Variants in WNT6 observed in about 807,000 individuals in gnomAD.
The protein encoded by WNT6 is Wnt family member 6.
A neutral mutation model predicts 33.1 loss-of-function variants in WNT6; 27 were observed. The ratio of observed to expected loss-of-function variants is 0.82; its 90% confidence interval spans 0.60 to 1.12. WNT6 has a LOEUF of 1.12. WNT6 is among the 50% of genes most tolerant of loss of function. WNT6 has a pLI of 0.00. For missense variants in WNT6, 494 were observed against 535.3 expected (o/e 0.92, Z 0.76); for synonymous variants, 249 against 242.8 (o/e 1.03, Z -0.24).
At chr2:218,869,995 A>T (rs192331610) in intron 1 of WNT6, among the ~76,000 whole-genome samples, 2 of 152,204 alleles carry the variant, frequency 1.3e-5, no homozygotes, top group African/African-American at 2.4e-5. Flanking sequence ...CGAGGCAGGC[A>T]GATCACCTGA....
chr2:218,869,690 G>C (rs992294849), intron 1 of WNT6, among the ~76,000 whole-genome samples: 1 of 152,194 alleles, frequency 6.6e-6, no homozygotes, highest in African/African-American at 2.4e-5. Flanking sequence ...ATTCTGATGA[G>C]AGCAGTTCCC....
chr2:218,860,863 G>T (rs1944301756), intron 1 of WNT6, among the ~76,000 whole-genome samples: 1 of 144,576 alleles, frequency 6.9e-6, no homozygotes, highest in Non-Finnish European at 1.5e-5. Flanking sequence ...GGCAGCGAAG[G>T]TTGCGGGAGC....
chr2:218,873,686 C>T lies in WNT6; in HGVS notation c.939C>T (p.Ser313=), dbSNP rs958566268. 2 of 1,578,634 alleles carry T rather than the reference C, an allele frequency of 1.3e-6. No homozygotes were observed. Among genetic ancestry groups the T allele is most frequent in the Admixed American group, 1.7e-5 (1 of 58,576 alleles). The change falls in exon 4 of 4, where the codon AGC becomes AGT. Residue 313 remains serine (S), a synonymous_variant. Coordinates refer to ENST00000233948, the MANE Select transcript of WNT6 (RefSeq NM_006522.4). This position sits in a 1 kb window ranked among gnomAD's most constrained non-coding sequence, Gnocchi z 6.1. ...CGCGCGGTCGCGCCTGCAATAGCAG[C>T]GCCCCGGACCTCAGCGGCTGCGACC... is the stretch of plus-strand genomic sequence containing the variant. The part of the protein sequence containing the change: ...PGTRGRACNS[S]APDLSGCDLL...
In WNT6 at chr2:218,859,946, C is replaced by A; in HGVS notation, c.-92C>A. 1 of 1,101,588 alleles carries A rather than the reference C, an allele frequency of 9.1e-7. No individual in the cohort carries two copies. The highest frequency in any genetic ancestry group is 1.1e-6 in the Non-Finnish European group (1 of 885,582). The allele number at this position is 1,101,588 out of a possible 1,614,324, so 68.2% of individuals were successfully genotyped here. ...CTCCCGGCCGCCGCCGTTGCGCTCG[C>A]CGCGCTCGCACTGAAGCCCGGGCCC... is the stretch of plus-strand genomic sequence containing the variant. On this transcript the variant is annotated 5_prime_UTR_variant, in exon 1 of 4. Transcript: ENST00000233948.
intron 1 of WNT6, among the ~76,000 whole-genome samples, chr2:218,863,400 C>A (rs557223846): frequency 6.6e-6 from 1 of 152,188 alleles, no homozygotes; most frequent in Non-Finnish European, 1.5e-5. Context: ...CAGAGAGGAC[C>A]CCAGGACCTT....
At position 218,873,729 on chromosome 2, in the gene WNT6, G is replaced by T. The variant is rs1195199650; in HGVS notation, c.982G>T (p.Gly328Trp). 2 of 1,576,504 alleles carry T rather than the reference G, an allele frequency of 1.3e-6. No homozygotes were observed. The highest frequency in any genetic ancestry group is 1.7e-6 in the Non-Finnish European group (2 of 1,167,572). Reference protein sequence around the residue: ...SGCDLLCCGRGHRQESVQLEE... With the variant: ...SGCDLLCCGRWHRQESVQLEE... ...CTGCGACCTGCTGTGCTGCGGCCGC[G>T]GGCACCGCCAGGAGAGCGTGCAGCT... Residue 328 changes from glycine (G) to tryptophan (W), a missense_variant, in exon 4 of 4, where the codon GGG (glycine) becomes TGG (tryptophan). By Grantham distance (184) the Gly-to-Trp change is radical. Coordinates refer to ENST00000233948, the MANE Select transcript of WNT6 (RefSeq NM_006522.4). The surrounding 1 kb of genome is among the most constrained non-coding windows in gnomAD (Gnocchi z 6.1).
rs1225767722 is a variant in WNT6 at position 218,873,348 on chromosome 2, C to T, written c.637-36C>T. 3.3e-6 allele frequency: 5 copies of T among 1,521,278 alleles called. No homozygotes were observed. Among genetic ancestry groups the T allele is most frequent in the Non-Finnish European group, 3.5e-6 (4 of 1,138,000 alleles). 94.2% of individuals were successfully genotyped at this position (1,521,278 alleles called of 1,614,324 possible). On this transcript the variant is annotated intron_variant, in intron 3 of 3. Transcript: ENST00000233948. The surrounding 1 kb of genome is among the most constrained non-coding windows in gnomAD (Gnocchi z 6.1). ...GCTGGGCCCTTCCCTGCACCCCCTA[C>T]CTGTCCACATGCGTCCGCCCCTCTG...
chr2:218,873,361 G>C lies in WNT6; in HGVS notation c.637-23G>C. ...CTGCACCCCCTACCTGTCCACATGCGTCCGCCCCTCTGCCTCCCGCAGGCC... is the reference window on the plus strand; with the variant it reads ...CTGCACCCCCTACCTGTCCACATGCCTCCGCCCCTCTGCCTCCCGCAGGCC... On this transcript the variant is annotated intron_variant, in intron 3 of 3. Coordinates refer to ENST00000233948, the MANE Select transcript of WNT6 (RefSeq NM_006522.4). This position sits in a 1 kb window ranked among gnomAD's most constrained non-coding sequence, Gnocchi z 6.1. 6.5e-7 allele frequency: 1 copy of C among 1,529,444 alleles called. No individual in the cohort carries two copies. Among genetic ancestry groups the C allele is most frequent in the Non-Finnish European group, 8.7e-7 (1 of 1,143,554 alleles). 94.7% of individuals were successfully genotyped at this position (1,529,444 alleles called of 1,614,324 possible). A position where few individuals can be genotyped will look rare whatever the true frequency, so the allele number is the denominator to read the frequency against.
At chr2:218,872,012 A>G (rs1035487079) in intron 3 of WNT6, among the ~76,000 whole-genome samples, 193 bp downstream of exon 3, 1 of 151,826 alleles carries the variant, frequency 6.6e-6, no homozygotes, top group Admixed American at 6.6e-5. Flanking sequence ...TCCAGCCTCC[A>G]AGAAGGAGTC....
chr2:218,871,950 A>C lies in WNT6; in HGVS notation c.636+131A>C, dbSNP rs1944406522. Reference sequence around the variant, plus strand: ...GGCGTTAATGTGTGGGGGAGTGCGCACGGGCGGAAAGATGGGCTGCAAGCA... The same window carrying C: ...GGCGTTAATGTGTGGGGGAGTGCGCCCGGGCGGAAAGATGGGCTGCAAGCA... On this transcript the variant is annotated intron_variant, in intron 3 of 3. Transcript: ENST00000233948. The surrounding 1 kb of genome is among the most constrained non-coding windows in gnomAD (Gnocchi z 6.4). 2 of 809,010 alleles carry C rather than the reference A, an allele frequency of 2.5e-6. No homozygotes were observed. The highest frequency in any genetic ancestry group is 8.0e-4 in the Middle Eastern group (2 of 2,494). 50.1% of individuals were successfully genotyped at this position (809,010 alleles called of 1,614,324 possible).
At chr2:218,872,949 A>C (rs1310565546) in intron 3 of WNT6, among the ~76,000 whole-genome samples, 1 of 152,012 alleles carries the variant, frequency 6.6e-6, no homozygotes, top group Non-Finnish European at 1.5e-5. Context: ...GATGCCCAGG[A>C]GGCTGGCTCT....
At position 218,871,952 on chromosome 2, in the gene WNT6, G is replaced by T. The variant is rs558231307; in HGVS notation, c.636+133G>T. 6.1e-6 allele frequency: 5 copies of T among 821,358 alleles called. No individual in the cohort carries two copies. The East Asian group carries it at 1.7e-4, about 28-fold the overall frequency. 50.9% of individuals were successfully genotyped at this position (821,358 alleles called of 1,614,324 possible). ...CGTTAATGTGTGGGGGAGTGCGCAC[G>T]GGCGGAAAGATGGGCTGCAAGCATG... On this transcript the variant is annotated intron_variant, in intron 3 of 3. Coordinates refer to ENST00000233948, the MANE Select transcript of WNT6 (RefSeq NM_006522.4). The surrounding 1 kb of genome is among the most constrained non-coding windows in gnomAD (Gnocchi z 6.4).
Position 218,873,986 on chromosome 2 carries a change from G to GCGAGGGGC in WNT6, c.*141_*142insCGAGGGGC. 1 of 982,768 alleles carries GCGAGGGGC rather than the reference G, an allele frequency of 1.0e-6. No individual in the cohort carries two copies. Among genetic ancestry groups the GCGAGGGGC allele is most frequent in the Non-Finnish European group, 1.4e-6 (1 of 711,022 alleles). The allele number at this position is 982,768 out of a possible 1,614,324, so 60.9% of individuals were successfully genotyped here. On this transcript the variant is annotated 3_prime_UTR_variant, in exon 4 of 4. Transcript: ENST00000233948. The surrounding 1 kb of genome is among the most constrained non-coding windows in gnomAD (Gnocchi z 6.1). ...CCCAACTCCCAGGGCTCTGGAAATGGTGAGGCGAGGGGCTTGAGAGGAACG... is the reference window on the plus strand; with the variant it reads ...CCCAACTCCCAGGGCTCTGGAAATGGCGAGGGGCTGAGGCGAGGGGCTTGAGAGGAACG...
intron 1 of WNT6, 54 bp downstream of exon 1, chr2:218,860,171 G>T: frequency 6.9e-7 from 1 of 1,448,190 alleles, no homozygotes; most frequent in Admixed American, 2.3e-5. Context: ...GGGACCCCGG[G>T]ACCCAGGACA....
rs758018720 is a variant in WNT6, at chr2:218,873,639, C to T, written c.892C>T (p.Arg298Ter). The T allele has an allele frequency of 1.3e-6, 2 of 1,581,110 alleles. No individual in the cohort carries two copies. Among genetic ancestry groups the T allele is most frequent in the South Asian group, 1.1e-5 (1 of 88,402 alleles). Residue 298 changes from arginine (R) to a stop codon, truncating the protein, a stop_gained, in exon 4 of 4, where the codon CGA (arginine) becomes TGA (stop). Transcript: ENST00000233948. LOFTEE classifies it high-confidence loss of function. The surrounding 1 kb of genome is among the most constrained non-coding windows in gnomAD (Gnocchi z 6.1). ...TTCGCCCGACTTCTGCGCCCCCAAC[C>T]GACGCACCGGCTCCCCCGGCACGCG... ...ADSPDFCAPN[R>*]RTGSPGTRGR...
chr2:218,872,944 C>T, intron 3 of WNT6, among the ~76,000 whole-genome samples: 1 of 152,070 alleles, frequency 6.6e-6, no homozygotes, highest in East Asian at 1.9e-4. Flanking sequence ...AGACAGATGC[C>T]CAGGAGGCTG....
At chr2:218,863,113 T>G (rs1944323736) in intron 1 of WNT6, among the ~76,000 whole-genome samples, 1 of 152,178 alleles carries the variant, frequency 6.6e-6, no homozygotes, top group Non-Finnish European at 1.5e-5. Context: ...ACCAGTGCCC[T>G]CCAAGATCAA....
rs755234114 is a variant in WNT6 at position 218,871,768 on chromosome 2, C to A, written c.585C>A (p.Arg195=). The change falls in exon 3 of 4, where the codon CGC becomes CGA. Residue 195 remains arginine, a synonymous_variant. Transcript: ENST00000233948. This position sits in a 1 kb window ranked among gnomAD's most constrained non-coding sequence, Gnocchi z 6.4. ...TGGACGCGCGGCACAAGCGGGGACG[C>A]GGAGACATCCGCGCGTTGGTGCAAC... ...LFMDARHKRG[R]GDIRALVQLH... 2.5e-6 allele frequency: 4 copies of A among 1,601,576 alleles called. No homozygotes were observed. The Admixed American group carries it at 5.1e-5, about 20-fold the overall frequency.
chr2:218,873,600 C>A lies in WNT6; in HGVS notation c.853C>A (p.Leu285Ile), dbSNP rs1456913037. The change falls in exon 4 of 4, where the codon CTC becomes ATC. Residue 285 changes from leucine (L) to isoleucine (I), a missense_variant. By Grantham distance (5) the Leu-to-Ile change is conservative. Coordinates refer to ENST00000233948, the MANE Select transcript of WNT6 (RefSeq NM_006522.4). This position sits in a 1 kb window ranked among gnomAD's most constrained non-coding sequence, Gnocchi z 6.1. ...TLKPPGRADL[L>I]YAADSPDFCA... ...CAAGCCGCCGGGCCGAGCGGACCTC[C>A]TCTACGCCGCCGATTCGCCCGACTT... 1 of 1,557,982 alleles carries A rather than the reference C, an allele frequency of 6.4e-7. No individual in the cohort carries two copies. Among genetic ancestry groups the A allele is most frequent in the South Asian group, 1.2e-5 (1 of 85,884 alleles).
Sources: gnomAD v4.1 joint callset for allele counts (sites outside exome capture counted in the v4.1 genomes callset) on GRCh38, gnomAD v4.1.1 for gene constraint, Gnocchi (gnomAD v3.1) non-coding constraint, MANE v1.5 for transcripts, NCBI Gene and HGNC (gene_info 2026-07-23, HGNC 2026-07-21) for gene names.